FRS3: variants seen among roughly 807,000 people sequenced by gnomAD.
FRS3 encodes the protein fibroblast growth factor receptor substrate 3.
In FRS3, 17 loss-of-function variants were observed where a neutral mutation model predicts 41.9. The ratio of observed to expected loss-of-function variants is 0.41; its 90% CI spans 0.28 to 0.61. The LOEUF is 0.61. FRS3 is among the 20% of genes least tolerant of loss of function. The probability of loss-of-function intolerance (pLI) is 0.36; values close to 1 mark genes in which losing one functional copy is unlikely to be tolerated. For missense variants in FRS3, 619 were observed against 672.1 expected, an observed-to-expected ratio of 0.92 and a Z score of 0.87; for synonymous variants, 287 against 274.5, an observed-to-expected ratio of 1.05 and a Z score of -0.45.
chr6:41,775,976 C>A (rs1314844282), intron 3 of FRS3, among the ~76,000 whole-genome samples: 2 of 152,230 alleles, frequency 1.3e-5, no homozygotes, highest in South Asian at 2.1e-4. Context: ...AATTCAAAAT[C>A]TTGAGACTGG....
In FRS3 at chr6:41,772,746, G is replaced by GTGTGTGTGTGTC. The variant is rs1772327370; in HGVS notation, c.415+51_415+52insGACACACACACA. 3.1e-5 allele frequency: 18 copies of GTGTGTGTGTGTC among 583,090 alleles called. No individual in the cohort carries two copies. In the South Asian group the frequency reaches 4.5e-4, roughly 15 times the overall value. 36.1% of individuals were successfully genotyped at this position (583,090 alleles called of 1,614,324 possible). On this transcript the variant is annotated intron_variant, in intron 5 of 6. Coordinates refer to ENST00000373018, the MANE Select transcript of FRS3 (RefSeq NM_006653.5). ...TCCCTCAGATTTGTGCTTCCTGGGC[G>GTGTGTGTGTGTC]TGTGTGTGTGTGTGTGTGTGTGTGT...
At chr6:41,772,225 A>G (rs1208107689) in intron 5 of FRS3, among the ~76,000 whole-genome samples, 1 of 152,172 alleles carries the variant, frequency 6.6e-6, no homozygotes, top group Non-Finnish European at 1.5e-5. Flanking sequence ...AAACGCATAA[A>G]GCACATCTTG....
At position 41,771,953 on chromosome 6, in the gene FRS3, T is replaced by C; in HGVS notation, c.427A>G (p.Thr143Ala). Residue 143 changes from threonine (T) to alanine (A), a missense_variant, in exon 6 of 7, where the codon ACT (threonine) becomes GCT (alanine). This residue lies in a region of FRS3 where 487 missense variants were observed against 478.3 expected (regional missense o/e 1.02). Transcript: ENST00000373018. ...CAGCCATTGGAAAAGCTGGAGACAGTGTAGCCTAGAGCTGAGCACACGGGA... is the reference window on the plus strand; with the variant it reads ...CAGCCATTGGAAAAGCTGGAGACAGCGTAGCCTAGAGCTGAGCACACGGGA... ...APQPPNALGY[T>A]VSSFSNGCPG... The C allele has an allele frequency of 6.4e-7, 1 of 1,562,188 alleles. No homozygotes were observed. Among genetic ancestry groups the C allele is most frequent in the Non-Finnish European group, 8.7e-7 (1 of 1,152,918 alleles).
intron 1 of FRS3, among the ~76,000 whole-genome samples, chr6:41,778,925 C>G (rs904137209): frequency 3.3e-5 from 5 of 152,150 alleles, no homozygotes; most frequent in African/African-American, 1.2e-4. Context: ...CCCTGGACAT[C>G]CCACATTCCT....
At chr6:41,779,728 G>A (rs1421627589) in intron 1 of FRS3, 88 bp downstream of exon 1, 2 of 113,950 alleles carry the variant, frequency 1.8e-5, no homozygotes, top group African/African-American at 6.8e-5. Flanking sequence ...TTCCTAGGGA[G>A]GGAGTGGAGA....
At position 41,771,180 on chromosome 6, in the gene FRS3, C is replaced by G. The variant is rs1027189059; in HGVS notation, c.918G>C (p.Glu306Asp). The G allele has an allele frequency of 6.4e-7, 1 of 1,553,216 alleles. No individual in the cohort carries two copies. The highest frequency in any genetic ancestry group is 1.4e-5 in the African/African-American group (1 of 73,448). Residue 306 changes from glutamate (E) to aspartate (D), a missense_variant, in exon 7 of 7, where the codon GAG becomes GAC. Transcript: ENST00000373018. ...GGTGGGCAAGGCCATTCCAGCCCGG[C>G]TCCTCTGGGCTCAGTCTCCAGCCAG... ...RGAGWRLSPE[E>D]PGWNGLAHRR...
At chr6:41,773,830 C>CCACTGTG (rs1467376842) in intron 4 of FRS3, among the ~76,000 whole-genome samples, 15 of 151,308 alleles carry the variant, frequency 9.9e-5, no homozygotes, top group African/African-American at 3.6e-4. Context: ...CGAGATTGTG[C>CCACTGTG]CACTGCACTT....
At position 41,770,563 on chromosome 6, in the gene FRS3, T is replaced by C. The variant is rs1404277945; in HGVS notation, c.*56A>G. On this transcript the variant is annotated 3_prime_UTR_variant, in exon 7 of 7. Transcript: ENST00000373018. ...GGAGGGTGGGTTCAGAGGACAGGAG[T>C]GTGAGGCAGAGGCTGGATCATGGTG... The C allele has an allele frequency of 1.3e-6, 2 of 1,557,946 alleles. No homozygotes were observed. The highest frequency in any genetic ancestry group is 3.3e-5 in the Admixed American group (2 of 59,720).
In FRS3 at chr6:41,770,528, T is replaced by C. The variant is rs1772257465; in HGVS notation, c.*91A>G. 7.3e-7 allele frequency: 1 copy of C among 1,362,378 alleles called. No homozygotes were observed. The highest frequency in any genetic ancestry group is 1.2e-5 in the South Asian group (1 of 82,838). The allele number at this position is 1,362,378 out of a possible 1,614,324, so 84.4% of individuals were successfully genotyped here. On this transcript the variant is annotated 3_prime_UTR_variant, in exon 7 of 7. Transcript: ENST00000373018. ...CTCCATGCCTTCTGCAAAGCAACCC[T>C]GAACCCTGGGGAGGGTGGGTTCAGA...
In FRS3 at chr6:41,771,274, G is replaced by GCCT; in HGVS notation, c.821_823dup (p.Glu274dup). The GCCT allele has an allele frequency of 6.2e-7, 1 of 1,612,332 alleles. No individual in the cohort carries two copies. The highest frequency in any genetic ancestry group is 8.5e-7 in the Non-Finnish European group (1 of 1,178,944). On this transcript the variant is annotated inframe_insertion, in exon 7 of 7. Coordinates refer to ENST00000373018, the MANE Select transcript of FRS3 (RefSeq NM_006653.5). ...GGGCTGGGCTGGACACTCAGAAGGGGCCTCATTGTTATTATTGTGGTGTGG... is the reference window on the plus strand; with the variant it reads ...GGGCTGGGCTGGACACTCAGAAGGGGCCTCCTCATTGTTATTATTGTGGTGTGG...
chr6:41,773,618 C>G (rs1008152382), intron 4 of FRS3, among the ~76,000 whole-genome samples: 1 of 151,798 alleles, frequency 6.6e-6, no homozygotes, highest in East Asian at 2.0e-4. Flanking sequence ...CGCCTGTAAT[C>G]CCAGCACTTT....
chr6:41,774,431 A>G (rs1772370488), intron 4 of FRS3, among the ~76,000 whole-genome samples: 1 of 152,138 alleles, frequency 6.6e-6, no homozygotes. Flanking sequence ...GCAAATGCCT[A>G]CTGTATATAG....
intron 4 of FRS3, among the ~76,000 whole-genome samples, chr6:41,773,825 T>C (rs2127299805): frequency 6.6e-6 from 1 of 151,516 alleles, no homozygotes; most frequent in Admixed American, 6.6e-5. Context: ...TGAGCCGAGA[T>C]TGTGCCACTG....
intron 4 of FRS3, among the ~76,000 whole-genome samples, 173 bp from the exon 5 acceptor site, chr6:41,773,132 T>C (rs1272734201): frequency 6.6e-6 from 1 of 152,136 alleles, no homozygotes; most frequent in East Asian, 1.9e-4. Flanking sequence ...GATGGAGTTT[T>C]GCTCTTGTTG....
At chr6:41,776,742 G>T (rs182499112) in intron 3 of FRS3, 180 bp downstream of exon 3, 1 of 609,310 alleles carries the variant, frequency 1.6e-6, no homozygotes, top group Admixed American at 2.9e-5. Flanking sequence ...AAACAGCAGT[G>T]GTCTGGGCCT....
Position 41,775,167 on chromosome 6 carries a change from C to T in FRS3, c.253+252G>A, listed in dbSNP as rs575664980. Among the ~76,000 whole-genome samples, 26 of 152,352 alleles carry T rather than the reference C, an allele frequency of 1.7e-4. No homozygotes were observed. In the South Asian group the frequency reaches 5.2e-3, roughly 30 times the overall value. On this transcript the variant is annotated intron_variant, in intron 4 of 6. Transcript: ENST00000373018. ...AATCCCATGCAGGATTCCTTTTGCA[C>T]AGCTTAAGTCTGGATCCTAAGAGAT...
chr6:41,773,762 C>T (rs1772355364), intron 4 of FRS3, among the ~76,000 whole-genome samples: 1 of 151,510 alleles, frequency 6.6e-6, no homozygotes, highest in African/African-American at 2.4e-5. Flanking sequence ...ATCCCAACTA[C>T]TCAGGAGGCT....
rs750410333 is a variant in FRS3 at position 41,775,625 on chromosome 6, AG to A, written c.67-21del. On this transcript the variant is annotated intron_variant, in intron 3 of 6. Transcript: ENST00000373018. ...TGTCACCTGGAGGGGAGAAGACAGA[AG>A]GGTCAATGAGTGAGTCCAACAAGTG... 6.3e-7 allele frequency: 1 copy of A among 1,594,720 alleles called. No homozygotes were observed. Among genetic ancestry groups the A allele is most frequent in the South Asian group, 1.1e-5 (1 of 90,214 alleles).
intron 3 of FRS3, 98 bp from the exon 4 acceptor site, chr6:41,775,703 T>TG (rs1421825115): frequency 6.8e-6 from 6 of 881,972 alleles, no homozygotes; most frequent in Non-Finnish European, 1.1e-5. Context: ...GGACAAGAGG[T>TG]GGGGAACCAA....
Sources: allele counts gnomAD v4.1 joint callset (sites outside exome capture counted in the v4.1 genomes callset), GRCh38; gene constraint gnomAD v4.1.1; regional missense constraint gnomAD v4.1.1; transcripts MANE v1.5; gene names NCBI Gene and HGNC (gene_info 2026-07-23, HGNC 2026-07-21).